TENM2: variants seen among roughly 807,000 people sequenced by gnomAD.
TENM2 encodes the protein teneurin transmembrane protein 2, also known as teneurin-2.
In TENM2, 52 loss-of-function variants were observed where a neutral mutation model predicts 245.2. The observed-to-expected ratio is 0.21, with a 90% CI of 0.17 to 0.27. The LOEUF (loss-of-function observed/expected upper bound fraction) is 0.27, where lower values mean the gene tolerates loss of function less well. Ranked by LOEUF, TENM2 falls within the 10% of genes least tolerant of loss-of-function variation. The pLI is 1.00. For missense variants in TENM2, 3,046 were observed against 3,666.8 expected, an observed-to-expected ratio of 0.83 and a Z score of 4.37; for synonymous variants, 1,363 against 1,438.9, an observed-to-expected ratio of 0.95 and a Z score of 1.19.
At chr5:167,986,239 T>C (rs2151985377) in intron 4 of TENM2, among the ~76,000 whole-genome samples, 1 of 152,328 alleles carries the variant, frequency 6.6e-6, no homozygotes, top group East Asian at 1.9e-4. Context: ...GCTTCTCAGT[T>C]TTTATTAAAT....
chr5:167,621,061 C>G (rs991781712), intron 2 of TENM2, among the ~76,000 whole-genome samples: 3 of 151,984 alleles, frequency 2.0e-5, no homozygotes, highest in Admixed American at 2.0e-4. Context: ...ATACTTTGAA[C>G]ATTTATTTAT....
chr5:167,400,016 A>G (rs992281196), intron 2 of TENM2, among the ~76,000 whole-genome samples: 1 of 152,160 alleles, frequency 6.6e-6, no homozygotes, highest in African/African-American at 2.4e-5. Context: ...AATACTAGAA[A>G]GTTAATCCTG....
chr5:167,318,345 G>A (rs1756497563), intron 1 of TENM2, among the ~76,000 whole-genome samples: 1 of 152,024 alleles, frequency 6.6e-6, no homozygotes, highest in Non-Finnish European at 1.5e-5. Context: ...GAGGAGCACA[G>A]TGCACTAGAC....
At chr5:167,486,122 C>G (rs78380084) in intron 2 of TENM2, among the ~76,000 whole-genome samples, 8,726 of 152,028 alleles carry the variant, frequency 0.057, 540 homozygotes, top group East Asian at 0.19. Flanking sequence ...CACAGAGAGC[C>G]TGTTCCAACG....
At chr5:167,676,232 A>G (rs1485367462) in intron 2 of TENM2, among the ~76,000 whole-genome samples, 2 of 151,750 alleles carry the variant, frequency 1.3e-5, no homozygotes, top group African/African-American at 4.8e-5. Flanking sequence ...TTTTCAACTT[A>G]TACTGCAGCC....
chr5:167,588,778 A>G (rs1775678886), intron 2 of TENM2, among the ~76,000 whole-genome samples: 1 of 152,218 alleles, frequency 6.6e-6, no homozygotes, highest in Non-Finnish European at 1.5e-5. Flanking sequence ...GCAAAGGACA[A>G]TATGAGGGAT....
chr5:167,614,922 C>T (rs1024094740), intron 2 of TENM2, among the ~76,000 whole-genome samples: 1 of 152,098 alleles, frequency 6.6e-6, no homozygotes, highest in Admixed American at 6.6e-5. Context: ...GTGATCTCCC[C>T]TATCTGTGCA....
chr5:167,689,058 C>T (rs901167794), intron 2 of TENM2, among the ~76,000 whole-genome samples: 2 of 152,030 alleles, frequency 1.3e-5, no homozygotes, highest in African/African-American at 2.4e-5. Context: ...TCCGGAAAAA[C>T]GTTGTTATTT....
intron 2 of TENM2, among the ~76,000 whole-genome samples, chr5:167,678,466 C>T (rs1159612604): frequency 6.6e-6 from 1 of 152,112 alleles, no homozygotes; most frequent in Admixed American, 6.6e-5. Flanking sequence ...ATTCTGTGCA[C>T]AGATTTATCC....
At chr5:167,564,817 C>T (rs1227196391) in intron 2 of TENM2, among the ~76,000 whole-genome samples, 1 of 152,228 alleles carries the variant, frequency 6.6e-6, no homozygotes, top group African/African-American at 2.4e-5. Context: ...TCCAGCAGGG[C>T]AAGCCCCTAT....
chr5:168,218,057 A>C lies in TENM2; in HGVS notation c.4234-68A>C. On this transcript the variant is annotated intron_variant, in intron 22 of 28. Coordinates refer to ENST00000518659, the Ensembl canonical transcript of TENM2. The surrounding 1 kb of genome is among the most constrained non-coding windows in gnomAD (Gnocchi z 5.2). Reference sequence around the variant, plus strand: ...TTTTCCTAGATATATAAAACCAGTAAGTGCCGTACGGTTAAACGTTGGACA... The same window carrying C: ...TTTTCCTAGATATATAAAACCAGTACGTGCCGTACGGTTAAACGTTGGACA... The C allele has an allele frequency of 6.7e-7, 1 of 1,498,382 alleles. No individual in the cohort carries two copies. The highest frequency in any genetic ancestry group is 1.4e-5 in the African/African-American group (1 of 71,516). 92.8% of individuals were successfully genotyped at this position (1,498,382 alleles called of 1,614,324 possible).
intron 2 of TENM2, among the ~76,000 whole-genome samples, chr5:167,559,380 G>T (rs1773451218): frequency 6.6e-6 from 1 of 152,148 alleles, no homozygotes; most frequent in East Asian, 1.9e-4. Flanking sequence ...TCACAAAACA[G>T]TTTGTGATCT....
At chr5:167,996,736 T>TTTG (rs1784080492) in intron 5 of TENM2, among the ~76,000 whole-genome samples, 1 of 152,064 alleles carries the variant, frequency 6.6e-6, no homozygotes, top group Non-Finnish European at 1.5e-5. Context: ...TGTTTGTTTG[T>TTTG]TTGTTTGTTT....
intron 12 of TENM2, among the ~76,000 whole-genome samples, chr5:168,136,165 A>T (rs1417826853): frequency 6.6e-6 from 1 of 152,180 alleles, no homozygotes; most frequent in Admixed American, 6.5e-5. Context: ...TAGAACGGAC[A>T]CGTACTCCAG....
chr5:167,859,309 C>A (rs1166843673), intron 2 of TENM2, among the ~76,000 whole-genome samples: 13 of 144,012 alleles, frequency 9.0e-5, no homozygotes, highest in Middle Eastern at 3.6e-3. Context: ...AGCCTCTCCG[C>A]CCGGCAGCCA....
chr5:167,000,369 G>C, the TENM2 span, among the ~76,000 whole-genome samples: 1 of 152,080 alleles, frequency 6.6e-6, no homozygotes, highest in Non-Finnish European at 1.5e-5. Flanking sequence ...TATGAAATTG[G>C]GCTGTTCATG....
chr5:167,942,535 G>A (rs757416676), intron 3 of TENM2, among the ~76,000 whole-genome samples: 12 of 152,068 alleles, frequency 7.9e-5, no homozygotes, highest in African/African-American at 2.9e-4. Flanking sequence ...GGAGCACACC[G>A]GGACCCAGTG....
chr5:167,611,953 T>C (rs148153359), intron 2 of TENM2, among the ~76,000 whole-genome samples: 1 of 152,202 alleles, frequency 6.6e-6, no homozygotes, highest in East Asian at 1.9e-4. Flanking sequence ...TGATAACAAG[T>C]CACATTTTAT....
At chr5:168,068,263 T>C (rs904049681) in intron 7 of TENM2, among the ~76,000 whole-genome samples, 3 of 152,070 alleles carry the variant, frequency 2.0e-5, no homozygotes, top group Admixed American at 2.0e-4. Context: ...CTTGAGTTCA[T>C]GGAACTGAGA....
Sources: gnomAD v4.1 joint callset for allele counts (sites outside exome capture counted in the v4.1 genomes callset) on GRCh38, gnomAD v4.1.1 for gene constraint, Gnocchi (gnomAD v3.1) non-coding constraint, MANE v1.5 for transcripts, NCBI Gene and HGNC (gene_info 2026-07-23, HGNC 2026-07-21) for gene names.